The following NEDD4L variants were observed in gnomAD, a reference collection of about 807,000 sequenced individuals.
NEDD4L encodes E3 ubiquitin-protein ligase NEDD4-like.
A neutral mutation model predicts 148.9 loss-of-function variants in NEDD4L; 54 were observed. That is an observed-to-expected ratio of 0.36 (90% CI 0.29 to 0.45). The LOEUF (loss-of-function observed/expected upper bound fraction) is 0.45. Ranked by LOEUF, NEDD4L falls within the 20% of genes least tolerant of loss-of-function variation. The pLI is 1.00. For synonymous variants in NEDD4L, 433 were observed against 440.7 expected (o/e 0.98, Z 0.22); for missense variants, 856 against 1,233.8 (o/e 0.69, Z 4.59).
At chr18:58,208,732 A>G (rs2147626061) in intron 2 of NEDD4L, among the ~76,000 whole-genome samples, 1 of 152,350 alleles carries the variant, frequency 6.6e-6, no homozygotes, top group South Asian at 2.1e-4. Context: ...TTAAAAGGGT[A>G]CATTTCTGAA....
chr18:58,151,625 A>ATATGTGTGTGTGTGTGTGTGTG (rs1555709300), intron 1 of NEDD4L, among the ~76,000 whole-genome samples: 42 of 141,076 alleles, frequency 3.0e-4, no homozygotes, highest in African/African-American at 1.0e-3. Context: ...GTGCCTGGAT[A>ATATGTGTGTGTGTGTGTGTGTG]TGTGTGTGTG....
chr18:58,185,386 C>A (rs747254083), intron 2 of NEDD4L, among the ~76,000 whole-genome samples: 24 of 152,332 alleles, frequency 1.6e-4, no homozygotes, highest in Non-Finnish European at 3.4e-4. Flanking sequence ...AGTTTCATTT[C>A]ATCAACCCCA....
chr18:58,242,488 T>TATGA (rs2046758566), intron 2 of NEDD4L, among the ~76,000 whole-genome samples: 1 of 151,952 alleles, frequency 6.6e-6, no homozygotes, highest in Non-Finnish European at 1.5e-5. Context: ...TCTTCTTATT[T>TATGA]ATGAATGAAT....
At chr18:58,255,642 T>C (rs2048425477) in intron 5 of NEDD4L, 5 of 1,232,522 alleles carry the variant, frequency 4.1e-6, no homozygotes, top group Non-Finnish European at 5.1e-6. Flanking sequence ...CTGGTCACCA[T>C]GGCCCATCGG....
chr18:58,310,952 T>C (rs2057621744), intron 5 of NEDD4L, among the ~76,000 whole-genome samples: 2 of 152,228 alleles, frequency 1.3e-5, no homozygotes, highest in Non-Finnish European at 2.9e-5. Context: ...ATTCTATTAT[T>C]GTCTGACTTA....
chr18:58,053,720 T>C (rs2081979756), intron 1 of NEDD4L, among the ~76,000 whole-genome samples: 2 of 152,198 alleles, frequency 1.3e-5, no homozygotes, highest in African/African-American at 4.8e-5. Flanking sequence ...TTTAAAAGTG[T>C]GTTGTAAAGC....
intron 16 of NEDD4L, 28 bp downstream of exon 16, chr18:58,343,131 A>G (rs775829249): frequency 2.0e-6 from 3 of 1,535,124 alleles, no homozygotes; most frequent in Non-Finnish European, 2.6e-6. Context: ...ATTTGGCTCC[A>G]TTTTCATCAT....
intron 1 of NEDD4L, among the ~76,000 whole-genome samples, chr18:58,083,923 G>T (rs111524009): frequency 2.0e-5 from 3 of 152,216 alleles, no homozygotes; most frequent in South Asian, 4.2e-4. Flanking sequence ...TAGAGACAGG[G>T]TTTCACCATG....
intron 5 of NEDD4L, among the ~76,000 whole-genome samples, chr18:58,300,111 G>A (rs974099420): frequency 5.3e-5 from 8 of 152,202 alleles, no homozygotes; most frequent in Admixed American, 2.6e-4. Context: ...GTGTACCCTG[G>A]ACGAGTTACT....
chr18:58,376,363 A>T (rs1453285776), intron 24 of NEDD4L, among the ~76,000 whole-genome samples: 1 of 152,244 alleles, frequency 6.6e-6, no homozygotes, highest in Non-Finnish European at 1.5e-5. Context: ...AAACAGACCC[A>T]TGAGATGAGT....
At chr18:58,230,973 C>T (rs983275728) in intron 2 of NEDD4L, among the ~76,000 whole-genome samples, 20 of 152,026 alleles carry the variant, frequency 1.3e-4, no homozygotes, top group Non-Finnish European at 2.2e-4. Flanking sequence ...CAAGTCTGGA[C>T]GTGGTGACTC....
intron 2 of NEDD4L, among the ~76,000 whole-genome samples, chr18:58,226,868 C>T (rs547341418): frequency 2.4e-4 from 37 of 152,086 alleles, no homozygotes; most frequent in African/African-American, 8.2e-4. Context: ...TCTGTGATGC[C>T]GCTGTGTTAC....
chr18:58,313,549 A>G (rs1432725869), intron 5 of NEDD4L, among the ~76,000 whole-genome samples: 1 of 152,234 alleles, frequency 6.6e-6, no homozygotes, highest in Non-Finnish European at 1.5e-5. Context: ...CTTTCCTGCC[A>G]GTTGCTGACA....
At position 58,330,778 on chromosome 18, in the gene NEDD4L, A is replaced by T; in HGVS notation, c.854A>T (p.Asp285Val). 6.2e-7 allele frequency: 1 copy of T among 1,609,316 alleles called. No individual in the cohort carries two copies. Among genetic ancestry groups the T allele is most frequent in the Non-Finnish European group, 8.5e-7 (1 of 1,177,422 alleles). The change falls in exon 11 of 31, where the codon GAC becomes GTC. Residue 285 changes from aspartate (D) to valine (V), a missense_variant. By Grantham distance (152) the Asp-to-Val change is radical (BLOSUM62 -3). Transcript: ENST00000400345. ...TISEEVNIAG[D>V]SLGLALPPPP... ...TCAGAGGAAGTGAATATCGCTGGAGACTCTCTCGGTCTGGCTCTGCCCCCA... is the reference window on the plus strand; with the variant it reads ...TCAGAGGAAGTGAATATCGCTGGAGTCTCTCTCGGTCTGGCTCTGCCCCCA...
chr18:58,312,889 G>A (rs1330565168), intron 5 of NEDD4L, among the ~76,000 whole-genome samples: 1 of 152,168 alleles, frequency 6.6e-6, no homozygotes, highest in Non-Finnish European at 1.5e-5. Context: ...CATATTGGCC[G>A]GGGTGATCTC....
intron 2 of NEDD4L, among the ~76,000 whole-genome samples, chr18:58,207,024 A>G (rs182737933): frequency 6.6e-6 from 1 of 152,188 alleles, no homozygotes; most frequent in Non-Finnish European, 1.5e-5. Flanking sequence ...GAAAGTGCAT[A>G]TTAGTTCTCC....
chr18:58,342,917 C>G lies in NEDD4L; in HGVS notation c.1389C>G (p.Asp463Glu). The G allele has an allele frequency of 1.2e-6, 2 of 1,608,296 alleles. No individual in the cohort carries two copies. Among genetic ancestry groups the G allele is most frequent in the Non-Finnish European group, 1.7e-6 (2 of 1,177,240 alleles). Residue 463 changes from aspartate to glutamate, a missense_variant, in exon 16 of 31, where the codon GAC (aspartate) becomes GAG (glutamate). Physicochemically the swap from Asp to Glu is conservative, Grantham distance 45. This residue lies in a region of NEDD4L where 367 missense variants were observed against 422.7 expected (regional missense o/e 0.87). Transcript: ENST00000400345. ...TLSAPLEGAK[D>E]SPVRRAVKDT... ...TTGTTATTCTTTAGGGTGCCAAGGA[C>G]TCACCCGTACGTCGGGCTGTGAAAG...
At chr18:58,178,714 T>C (rs2038462074) in intron 2 of NEDD4L, among the ~76,000 whole-genome samples, 1 of 152,266 alleles carries the variant, frequency 6.6e-6, no homozygotes, top group South Asian at 2.1e-4. Context: ...GAATGTGTGC[T>C]AACGTTCCTT....
intron 5 of NEDD4L, among the ~76,000 whole-genome samples, chr18:58,307,260 A>G (rs1043231334): frequency 1.3e-5 from 2 of 152,092 alleles, no homozygotes; most frequent in Non-Finnish European, 2.9e-5. Context: ...GTCTTCTTGG[A>G]TGGTACCTAG....
Sources: allele counts gnomAD v4.1 joint callset (sites outside exome capture counted in the v4.1 genomes callset), GRCh38; gene constraint gnomAD v4.1.1; regional missense constraint gnomAD v4.1.1; transcripts MANE v1.5; gene names NCBI Gene and HGNC (gene_info 2026-07-23, HGNC 2026-07-21).